The following MTUS1 variants were observed in gnomAD, a reference collection of about 807,000 sequenced individuals.
The protein encoded by MTUS1 is microtubule-associated tumor suppressor 1.
MTUS1 carries 109 observed loss-of-function variants against 120.8 expected under a neutral mutation model. The ratio of observed to expected loss-of-function variants is 0.90; its 90% CI spans 0.77 to 1.06. The LOEUF (loss-of-function observed/expected upper bound fraction) is 1.06, where lower values mean the gene tolerates loss of function less well. MTUS1 is among the 50% of genes least tolerant of loss of function. MTUS1 has a pLI of 0.00. For missense variants in MTUS1, 2,210 were observed against 1,486.3 expected, an observed-to-expected ratio of 1.49 and a Z score of -8.01; for synonymous variants, 737 against 550.5, an observed-to-expected ratio of 1.34 and a Z score of -4.74.
intron 2 of MTUS1, among the ~76,000 whole-genome samples, chr8:17,748,583 C>G (rs80314251): frequency 0.016 from 2,457 of 152,248 alleles, 66 homozygotes; most frequent in African/African-American, 0.056. Flanking sequence ...TGTAGCATGC[C>G]CTCTGGGGCT....
At chr8:17,725,677 T>C (rs1463205355) in intron 3 of MTUS1, among the ~76,000 whole-genome samples, 1 of 152,186 alleles carries the variant, frequency 6.6e-6, no homozygotes, top group Non-Finnish European at 1.5e-5. Context: ...CAATCTAAAA[T>C]TTGGGATTCT....
intron 3 of MTUS1, among the ~76,000 whole-genome samples, chr8:17,730,575 G>T (rs1586013843): frequency 6.6e-6 from 1 of 151,914 alleles, no homozygotes; most frequent in East Asian, 1.9e-4. Flanking sequence ...GCCAAAATGT[G>T]GAAGCAACCC....
intron 3 of MTUS1, among the ~76,000 whole-genome samples, chr8:17,731,257 G>A (rs375320825): frequency 2.0e-5 from 3 of 152,242 alleles, no homozygotes; most frequent in Non-Finnish European, 4.4e-5. Context: ...TGACAATCTC[G>A]AGGTAGATCG....
chr8:17,722,317 A>C, intron 4 of MTUS1: 2 of 970,938 alleles, frequency 2.1e-6, no homozygotes, highest in Non-Finnish European at 2.4e-6. Flanking sequence ...TTCTGTTGCC[A>C]CAACAGTTTT....
intron 8 of MTUS1, among the ~76,000 whole-genome samples, chr8:17,669,639 A>T (rs1371636263): frequency 6.6e-6 from 1 of 152,130 alleles, no homozygotes; most frequent in African/African-American, 2.4e-5. Flanking sequence ...TGAGGTCAGG[A>T]GTTCGAGACC....
At chr8:17,760,100 C>T (rs2048925387) in intron 1 of MTUS1, among the ~76,000 whole-genome samples, 1 of 149,330 alleles carries the variant, frequency 6.7e-6, no homozygotes, top group Non-Finnish European at 1.5e-5. Context: ...CCTGTAGTCC[C>T]AGCTGCTCAG....
At chr8:17,767,481 G>T (rs1057284320) in intron 1 of MTUS1, among the ~76,000 whole-genome samples, 1 of 151,350 alleles carries the variant, frequency 6.6e-6, no homozygotes, top group Admixed American at 6.6e-5. Flanking sequence ...AGGATTGCTT[G>T]AGGCCTGGAG....
At chr8:17,746,469 A>G (rs946784906) in intron 2 of MTUS1, among the ~76,000 whole-genome samples, 1 of 152,174 alleles carries the variant, frequency 6.6e-6, no homozygotes, top group Non-Finnish European at 1.5e-5. Flanking sequence ...CTTCACAATC[A>G]TGGCAGAAGG....
At chr8:17,750,840 T>C (rs1356952797) in intron 2 of MTUS1, among the ~76,000 whole-genome samples, 1 of 152,132 alleles carries the variant, frequency 6.6e-6, no homozygotes, top group Non-Finnish European at 1.5e-5. Flanking sequence ...ACACATAACC[T>C]CTGTTGTGAG....
At chr8:17,713,283 T>A in intron 5 of MTUS1, 31 bp from the exon 6 acceptor site, 1 of 1,276,824 alleles carries the variant, frequency 7.8e-7, no homozygotes, top group Non-Finnish European at 1.1e-6. Context: ...GTAAAATACA[T>A]ATGTTTTATT....
chr8:17,744,441 A>G (rs2047575124), intron 2 of MTUS1, among the ~76,000 whole-genome samples: 1 of 151,958 alleles, frequency 6.6e-6, no homozygotes, highest in African/African-American at 2.4e-5. Flanking sequence ...TAGTTTTTTG[A>G]CACGGAGTCT....
At chr8:17,752,641 C>G (rs1318262015) in intron 2 of MTUS1, among the ~76,000 whole-genome samples, 1 of 151,714 alleles carries the variant, frequency 6.6e-6, no homozygotes, top group Non-Finnish European at 1.5e-5. Context: ...TTGTGGTCCC[C>G]ATGCACCCTG....
At position 17,656,023 on chromosome 8, in the gene MTUS1, T is replaced by G; in HGVS notation, c.2948A>C (p.Asn983Thr). The G allele has an allele frequency of 6.2e-7, 1 of 1,614,228 alleles. No homozygotes were observed. Among genetic ancestry groups the G allele is most frequent in the South Asian group, 1.1e-5 (1 of 91,074 alleles). Residue 983 changes from asparagine (N) to threonine (T), a missense_variant, in exon 9 of 15, where the codon AAT becomes ACT. Coordinates refer to ENST00000693296, the MANE Select transcript of MTUS1 (RefSeq NM_001363059.2). ...TTCEKLEKAR[N>T]ELQTVYEAFV... ...TGCTTCATACACTGTTTGTAACTCA[T>G]TCCTGGCTTTTTCTAATTTCTCACA...
At chr8:17,737,785 C>T (rs1358395139) in intron 3 of MTUS1, among the ~76,000 whole-genome samples, 1 of 152,158 alleles carries the variant, frequency 6.6e-6, no homozygotes, top group African/African-American at 2.4e-5. Flanking sequence ...CCATGTCCGG[C>T]CTCAACTTGG....
At chr8:17,785,735 A>C (rs1286133985) in intron 1 of MTUS1, among the ~76,000 whole-genome samples, 1 of 152,202 alleles carries the variant, frequency 6.6e-6, no homozygotes, top group Non-Finnish European at 1.5e-5. Context: ...GGAACCTCTG[A>C]TCTAGATGAC....
chr8:17,695,196 A>C (rs1817712771), intron 6 of MTUS1, among the ~76,000 whole-genome samples: 1 of 152,212 alleles, frequency 6.6e-6, no homozygotes, highest in South Asian at 2.1e-4. Flanking sequence ...TATTGGGAGT[A>C]AGCAGAATTA....
At chr8:17,653,691 C>G in intron 10 of MTUS1, 193 bp from the exon 11 acceptor site, 1 of 511,262 alleles carries the variant, frequency 2.0e-6, no homozygotes, top group Non-Finnish European at 3.4e-6. Context: ...GGTAGACATT[C>G]CCATTTTATG....
chr8:17,723,710 G>A lies in MTUS1; in HGVS notation c.2411C>T (p.Ala804Val). 1.9e-6 allele frequency: 3 copies of A among 1,610,788 alleles called. No homozygotes were observed. The East Asian group carries it at 6.7e-5, about 36-fold the overall frequency. ...AGTGCTCAGCTCACTGTGGGTGCTG[G>A]CTATTGAGGGGGTGCTTCCTGTCCT... Reference protein sequence around the residue: ...LRRTGSTPSIASTHSELSTYS... With the variant: ...LRRTGSTPSIVSTHSELSTYS... The change falls in exon 4 of 15, where the codon GCC (alanine) becomes GTC (valine). Residue 804 changes from alanine to valine, a missense_variant. Physicochemically the swap from Ala to Val is moderately conservative, Grantham distance 64. Coordinates refer to ENST00000693296, the MANE Select transcript of MTUS1 (RefSeq NM_001363059.2).
At chr8:17,697,843 GA>G in intron 6 of MTUS1, 1 of 518,812 alleles carries the variant, frequency 1.9e-6, no homozygotes, top group Non-Finnish European at 2.5e-6. Flanking sequence ...TTCATAATTA[GA>G]AAAAAATTAG....
Sources: gnomAD v4.1 joint callset for allele counts (sites outside exome capture counted in the v4.1 genomes callset) on GRCh38, gnomAD v4.1.1 for gene constraint, MANE v1.5 for transcripts, NCBI Gene and HGNC (gene_info 2026-07-23, HGNC 2026-07-21) for gene names.